The following PYCR2 variants were observed in gnomAD, a reference collection of about 807,000 sequenced individuals.
The protein encoded by PYCR2 is pyrroline-5-carboxylate reductase 2, also known as P5C reductase 2.
In PYCR2, 17 loss-of-function variants were observed where a neutral mutation model predicts 23.4. The ratio of observed to expected loss-of-function variants is 0.73; its 90% CI spans 0.50 to 1.09. PYCR2 has a LOEUF of 1.09. Ranked by LOEUF, PYCR2 falls within the 50% of genes least tolerant of loss-of-function variation. PYCR2 has a pLI of 0.00. For synonymous variants in PYCR2, 172 were observed against 176.6 expected (o/e 0.97, Z 0.21); for missense variants, 380 against 423.5 (o/e 0.90, Z 0.90).
Position 225,924,042 on chromosome 1 carries a change from G to A in PYCR2, c.67+2C>T. ...AGCCGCCTCCCGCCTCCACGCGCTT[G>A]CCTGCGGCCGTGAAGCCCCGCGCCA... is the stretch of plus-strand genomic sequence containing the variant. On this transcript the variant is annotated splice_donor_variant, in intron 1 of 6. Transcript: ENST00000343818. LOFTEE classifies it low-confidence loss of function (GC_TO_GT_DONOR). 1 of 1,537,172 alleles carries A rather than the reference G, an allele frequency of 6.5e-7. No individual in the cohort carries two copies. The highest frequency in any genetic ancestry group is 1.2e-5 in the South Asian group (1 of 83,844).
intron 1 of PYCR2, 28 bp from the exon 2 acceptor site, chr1:225,923,799 G>A (rs758366192): frequency 1.2e-6 from 2 of 1,613,726 alleles, no homozygotes; most frequent in Admixed American, 1.7e-5. Flanking sequence ...TTTCAACTAG[G>A]GGTCGCGGCC....
Position 225,921,281 on chromosome 1 carries a change from G to C in PYCR2, c.724C>G (p.Leu242Val). The change falls in exon 6 of 7, where the codon CTG becomes GTG. Residue 242 changes from leucine to valine, a missense_variant. Transcript: ENST00000343818. This position sits in a 1 kb window ranked among gnomAD's most constrained non-coding sequence, Gnocchi z 4.2. The part of the protein sequence containing the change: ...CSPGGATIHA[L>V]HFLESGGFRS... The stretch of plus-strand genomic sequence containing the variant: ...AAGCCCCCACTCTCTAGAAAGTGCA[G>C]GGCGTGGATGGTGGCTCCCCCAGGG... The C allele has an allele frequency of 6.2e-7, 1 of 1,612,942 alleles. No individual in the cohort carries two copies.
At position 225,920,541 on chromosome 1, in the gene PYCR2, C is replaced by A. The variant is rs773552960; in HGVS notation, c.877G>T (p.Glu293Ter). 11 of 1,594,638 alleles carry A rather than the reference C, an allele frequency of 6.9e-6. No homozygotes were observed. The Admixed American group carries it at 1.5e-4, about 22-fold the overall frequency. The change falls in exon 7 of 7, where the codon GAA (glutamate) becomes TAA (stop). Residue 293 changes from glutamate (E) to a stop codon, truncating the protein, a stop_gained. Coordinates refer to ENST00000343818, the MANE Select transcript of PYCR2 (RefSeq NM_013328.4). LOFTEE classifies it low-confidence loss of function (END_TRUNC). ...KKTLLDRVKL[E>*]SPTVSTLTPS... is the part of the protein sequence containing the mutation. ...GTCAGTGTGGAGACTGTGGGGGATT[C>A]CAGCTTCACTCTGTCTAAGAGGGTC...
chr1:225,922,208 T>A lies in PYCR2; in HGVS notation c.314A>T (p.Glu105Val). The A allele has an allele frequency of 1.2e-6, 2 of 1,612,892 alleles. No individual in the cohort carries two copies. Among genetic ancestry groups the A allele is most frequent in the Middle Eastern group, 1.6e-4 (1 of 6,062 alleles). The change falls in exon 3 of 7, where the codon GAG becomes GTG. Residue 105 changes from glutamate to valine, a missense_variant. Glu to Val is a moderately radical substitution (Grantham distance 121, BLOSUM62 -2). Transcript: ENST00000343818. Reference sequence around the variant, plus strand: ...CATCAGGGCTGAGATGGGCACCTTCTCCACAGAGCTGATGGTGACACCAGC... The same window carrying A: ...CATCAGGGCTGAGATGGGCACCTTCACCACAGAGCTGATGGTGACACCAGC... ...CAAGVTISSV[E>V]KKLMAFQPAP...
In PYCR2 at chr1:225,923,737, G is replaced by A. The variant is rs775210257; in HGVS notation, c.102C>T (p.Ser34=). The change falls in exon 2 of 7, where the codon TCC becomes TCT. Residue 34 remains serine (S), a synonymous_variant. Coordinates refer to ENST00000343818, the MANE Select transcript of PYCR2 (RefSeq NM_013328.4). ...ILSAHKIIAS[S]PEMNLPTVSA... is the part of the protein sequence containing the mutation. Reference sequence around the variant, plus strand: ...ACACCGTGGGCAGGTTCATTTCTGGGGAGCTGGCTATTATCTTGTGAGCCG... The same window carrying A: ...ACACCGTGGGCAGGTTCATTTCTGGAGAGCTGGCTATTATCTTGTGAGCCG... 1.4e-5 allele frequency: 23 copies of A among 1,614,148 alleles called. No individual in the cohort carries two copies. The highest frequency in any genetic ancestry group is 1.9e-5 in the Non-Finnish European group (22 of 1,180,016).
intron 6 of PYCR2, among the ~76,000 whole-genome samples, 198 bp from the exon 7 acceptor site, chr1:225,920,818 C>T (rs545279838): frequency 6.6e-6 from 1 of 152,240 alleles, no homozygotes; most frequent in South Asian, 2.1e-4. Context: ...TTAGGGTTTG[C>T]TTATTTATCT....
At position 225,921,047 on chromosome 1, in the gene PYCR2, AG is replaced by A. The variant is rs1429916593; in HGVS notation, c.797+160del. Among the ~76,000 whole-genome samples the A allele has an allele frequency of 6.6e-6, 1 of 152,226 alleles. No homozygotes were observed. Among genetic ancestry groups the A allele is most frequent in the Non-Finnish European group, 1.5e-5 (1 of 68,034 alleles). On this transcript the variant is annotated intron_variant, in intron 6 of 6. Coordinates refer to ENST00000343818, the MANE Select transcript of PYCR2 (RefSeq NM_013328.4). This position sits in a 1 kb window ranked among gnomAD's most constrained non-coding sequence, Gnocchi z 4.2. ...AGTGAAGTAAGGCTTGCAAACTCTT[AG>A]GTAAACAAAATCTACTAAGTTGTGG... is the stretch of plus-strand genomic sequence containing the variant.
Position 225,921,570 on chromosome 1 carries a change from G to T in PYCR2, c.615C>A (p.Leu205=). ...TACTGACCAGCAAAGCCTGGGCCCC[G>T]AGTTGGATTGCCAGGCGCCGTGGCA... ...MGLPRRLAIQ[L]GAQALLGAAK... Residue 205 remains leucine, a synonymous_variant, in exon 5 of 7, where the codon CTC becomes CTA. Coordinates refer to ENST00000343818, the MANE Select transcript of PYCR2 (RefSeq NM_013328.4). This position sits in a 1 kb window ranked among gnomAD's most constrained non-coding sequence, Gnocchi z 4.2. 1 of 1,614,152 alleles carries T rather than the reference G, an allele frequency of 6.2e-7. No individual in the cohort carries two copies. Among genetic ancestry groups the T allele is most frequent in the African/African-American group, 1.3e-5 (1 of 75,046 alleles).
chr1:225,920,263 G>A lies in PYCR2; in HGVS notation c.*192C>T. The A allele has an allele frequency of 2.2e-6, 1 of 449,534 alleles. No individual in the cohort carries two copies. Among genetic ancestry groups the A allele is most frequent in the Non-Finnish European group, 3.7e-6 (1 of 267,252 alleles). The allele number at this position is 449,534 out of a possible 1,614,324, so 27.8% of individuals were successfully genotyped here. ...CAGAGCAACTTCCAACATGGGACAG[G>A]AGAGGAAGCTCGCATTGCTTGGTCT... is the stretch of plus-strand genomic sequence containing the variant. On this transcript the variant is annotated 3_prime_UTR_variant, in exon 7 of 7. Transcript: ENST00000343818.
At chr1:225,923,501 C>A in intron 2 of PYCR2, 200 bp downstream of exon 2, 1 of 1,425,666 alleles carries the variant, frequency 7.0e-7, no homozygotes, top group Non-Finnish European at 9.2e-7. Context: ...TGGATCTGAC[C>A]CCCAGTTATG....
chr1:225,921,416 G>T lies in PYCR2; in HGVS notation c.634-45C>A, dbSNP rs750905247. 1 of 1,524,414 alleles carries T rather than the reference G, an allele frequency of 6.6e-7. No homozygotes were observed. Among genetic ancestry groups the T allele is most frequent in the African/African-American group, 1.4e-5 (1 of 72,866 alleles). The allele number at this position is 1,524,414 out of a possible 1,614,324, so 94.4% of individuals were successfully genotyped here. A position where few individuals can be genotyped will look rare whatever the true frequency, so the allele number is the denominator to read the frequency against. On this transcript the variant is annotated intron_variant, in intron 5 of 6. Coordinates refer to ENST00000343818, the MANE Select transcript of PYCR2 (RefSeq NM_013328.4). The surrounding 1 kb of genome is among the most constrained non-coding windows in gnomAD (Gnocchi z 4.2). ...AGGAGAAAGTTGCTGGTGTGCGTTG[G>T]AACAGGCTTCCCATACCCACTGCTC... is the stretch of plus-strand genomic sequence containing the variant.
Position 225,921,381 on chromosome 1 carries a change from A to G in PYCR2, c.634-10T>C, listed in dbSNP as rs1671832687. On this transcript the variant is annotated splice_polypyrimidine_tract_variant and intron_variant, in intron 5 of 6. Transcript: ENST00000343818. The surrounding 1 kb of genome is among the most constrained non-coding windows in gnomAD (Gnocchi z 4.2). ...GCATCTTGGCAGCTCCCTATGGGGA[A>G]GGGCACATTAGGAGAAAGTTGCTGG... 1 of 1,532,758 alleles carries G rather than the reference A, an allele frequency of 6.5e-7. No individual in the cohort carries two copies. The highest frequency in any genetic ancestry group is 1.4e-5 in the African/African-American group (1 of 72,980). The allele number at this position is 1,532,758 out of a possible 1,614,324, so 94.9% of individuals were successfully genotyped here. A position where few individuals can be genotyped will look rare whatever the true frequency, so the allele number is the denominator to read the frequency against.
At position 225,923,390 on chromosome 1, in the gene PYCR2, T is replaced by C. The variant is rs187943072; in HGVS notation, c.138+311A>G. On this transcript the variant is annotated intron_variant, in intron 2 of 6. Transcript: ENST00000343818. ...TTGGGCGACAGAGTAAGACCCTGTC[T>C]GAAAAAAAATTTAAAAAATGAGTAT... The C allele has an allele frequency of 1.1e-4, 120 of 1,085,848 alleles. 2 individuals carry two copies. In the African/African-American group the frequency reaches 1.7e-3, roughly 16 times the overall value. The allele number at this position is 1,085,848 out of a possible 1,614,324, so 67.3% of individuals were successfully genotyped here. A position where few individuals can be genotyped will look rare whatever the true frequency, so the allele number is the denominator to read the frequency against.
rs1474087782 is a variant in PYCR2, at chr1:225,924,148, C to T, written c.-38G>A. On this transcript the variant is annotated 5_prime_UTR_variant, in exon 1 of 7. Transcript: ENST00000343818. ...ACGCCTCCTGGGAGCCGCACGAACCCCCTCAGCGAGGGACCGGAAGTAACG... is the reference window on the plus strand; with the variant it reads ...ACGCCTCCTGGGAGCCGCACGAACCTCCTCAGCGAGGGACCGGAAGTAACG... 6.6e-7 allele frequency: 1 copy of T among 1,526,518 alleles called. No homozygotes were observed. Among genetic ancestry groups the T allele is most frequent in the African/African-American group, 1.4e-5 (1 of 72,586 alleles). 94.6% of individuals were successfully genotyped at this position (1,526,518 alleles called of 1,614,324 possible). A position where few individuals can be genotyped will look rare whatever the true frequency, so the allele number is the denominator to read the frequency against.
chr1:225,921,179 T>TG lies in PYCR2; in HGVS notation c.797+28dup, dbSNP rs1671825090. On this transcript the variant is annotated intron_variant, in intron 6 of 6. Coordinates refer to ENST00000343818, the MANE Select transcript of PYCR2 (RefSeq NM_013328.4). The surrounding 1 kb of genome is among the most constrained non-coding windows in gnomAD (Gnocchi z 4.2). ...AGGGACCAACCAGGACTGAAGGGTC[T>TG]GGGACAGAAGTCCGCGGGATGGACT... 1 of 1,598,782 alleles carries TG rather than the reference T, an allele frequency of 6.3e-7. No individual in the cohort carries two copies. The highest frequency in any genetic ancestry group is 8.5e-7 in the Non-Finnish European group (1 of 1,170,664).
At chr1:225,923,290 CG>C in intron 2 of PYCR2, 1 of 306,848 alleles carries the variant, frequency 3.3e-6, no homozygotes, top group South Asian at 8.5e-5. Context: ...TCCAGCTACT[CG>C]GGAGGCTGAG....
In PYCR2 at chr1:225,923,755, G is replaced by C. The variant is rs1671914869; in HGVS notation, c.84C>G (p.His28Gln). The change falls in exon 2 of 7, where the codon CAC (histidine) becomes CAG (glutamine). Residue 28 changes from histidine to glutamine, a missense_variant. Physicochemically the swap from His to Gln is conservative, Grantham distance 24 (BLOSUM62 0). Coordinates refer to ENST00000343818, the MANE Select transcript of PYCR2 (RefSeq NM_013328.4). ...GFTAAGILSA[H>Q]KIIASSPEMN... ...TTTCTGGGGAGCTGGCTATTATCTT[G>C]TGAGCCGACAGGATGCCTGCAGAAG... 1 of 1,614,150 alleles carries C rather than the reference G, an allele frequency of 6.2e-7. No individual in the cohort carries two copies. Among genetic ancestry groups the C allele is most frequent in the Non-Finnish European group, 8.5e-7 (1 of 1,180,014 alleles).
chr1:225,924,173 G>T lies in PYCR2; in HGVS notation c.-63C>A. 6.7e-7 allele frequency: 1 copy of T among 1,494,798 alleles called. No individual in the cohort carries two copies. The allele number at this position is 1,494,798 out of a possible 1,614,324, so 92.6% of individuals were successfully genotyped here. On this transcript the variant is annotated 5_prime_UTR_variant, in exon 1 of 7. Transcript: ENST00000343818. ...CCCTCAGCGAGGGACCGGAAGTAAC[G>T]CTAGGGGAAGGGCGGACAGCGCAGG...
In PYCR2 at chr1:225,922,186, C is replaced by A; in HGVS notation, c.318+18G>T. ...AACCCTCCCCTCACACAAGGGGCAT[C>A]AGGGCTGAGATGGGCACCTTCTCCA... On this transcript the variant is annotated intron_variant, in intron 3 of 6. Coordinates refer to ENST00000343818, the MANE Select transcript of PYCR2 (RefSeq NM_013328.4). 6.2e-7 allele frequency: 1 copy of A among 1,609,646 alleles called. No individual in the cohort carries two copies.
Sources: gnomAD v4.1 joint callset for allele counts (sites outside exome capture counted in the v4.1 genomes callset) on GRCh38, gnomAD v4.1.1 for gene constraint, Gnocchi (gnomAD v3.1) non-coding constraint, MANE v1.5 for transcripts, NCBI Gene and HGNC (gene_info 2026-07-23, HGNC 2026-07-21) for gene names.